Variants in DNAJC13 observed in about 807,000 individuals in gnomAD.
DNAJC13 encodes the protein dnaJ homolog subfamily C member 13.
Under a neutral mutation model 290.5 loss-of-function variants are expected in DNAJC13, and 75 were observed. The ratio of observed to expected loss-of-function variants is 0.26; its 90% CI spans 0.21 to 0.31. The LOEUF is 0.31. DNAJC13 is among the 10% of genes least tolerant of loss of function. DNAJC13 has a pLI of 1.00. For synonymous variants in DNAJC13, 862 were observed against 892.0 expected (o/e 0.97, Z 0.60); for missense variants, 2,260 against 2,674.5 (o/e 0.85, Z 3.42).
chr3:132,484,644 A>T lies in DNAJC13; in HGVS notation c.3239A>T (p.Asp1080Val), dbSNP rs1427576839. 5.6e-6 allele frequency: 9 copies of T among 1,613,992 alleles called. No individual in the cohort carries two copies. Among genetic ancestry groups the T allele is most frequent in the Non-Finnish European group, 7.6e-6 (9 of 1,179,962 alleles). The part of the protein sequence containing the change: ...PLPKVKRLLS[D>V]STCLPHIIQL... ...CCCAAAGTGAAAAGACTGCTGTCAG[A>T]TAGCACTTGCCTTCCCCATATTATT... is the stretch of plus-strand genomic sequence containing the variant. The change falls in exon 29 of 56, where the codon GAT (aspartate) becomes GTT (valine). Residue 1080 changes from aspartate to valine, a missense_variant. Coordinates refer to ENST00000260818, the MANE Select transcript of DNAJC13 (RefSeq NM_015268.4).
At chr3:132,463,840 C>T (rs776589482) in intron 17 of DNAJC13, 23 bp downstream of exon 17, 4 of 1,596,860 alleles carry the variant, frequency 2.5e-6, no homozygotes, top group South Asian at 1.1e-5. Context: ...ATTCAATTTG[C>T]TGCAATTTAA....
chr3:132,484,539 C>T, intron 28 of DNAJC13, 49 bp from the exon 29 acceptor site: 1 of 1,564,730 alleles, frequency 6.4e-7, no homozygotes, highest in Non-Finnish European at 8.8e-7. Context: ...TCTGAACATA[C>T]AAATTTTAAC....
At chr3:132,534,118 A>C (rs1002309390) in intron 55 of DNAJC13, among the ~76,000 whole-genome samples, 2 of 152,188 alleles carry the variant, frequency 1.3e-5, no homozygotes, top group African/African-American at 4.8e-5. Flanking sequence ...CAAGTTCTGT[A>C]CAGGTCTGGC....
intron 6 of DNAJC13, among the ~76,000 whole-genome samples, chr3:132,451,967 G>T (rs2107665270): frequency 6.6e-6 from 1 of 152,242 alleles, no homozygotes; most frequent in South Asian, 2.1e-4. Flanking sequence ...TGTTACCTCT[G>T]AGGCTTGACC....
intron 16 of DNAJC13, 94 bp from the exon 17 acceptor site, chr3:132,463,602 T>G: frequency 7.0e-7 from 1 of 1,418,696 alleles, no homozygotes. Context: ...TACTGAATGT[T>G]TTTTTCATTT....
chr3:132,447,267 C>A, intron 3 of DNAJC13, 54 bp from the exon 4 acceptor site: 2 of 1,335,808 alleles, frequency 1.5e-6, no homozygotes, highest in Non-Finnish European at 2.0e-6. Flanking sequence ...CAAAAATAAG[C>A]ATTACATTTT....
intron 20 of DNAJC13, among the ~76,000 whole-genome samples, chr3:132,470,589 G>A (rs1407238720): frequency 1.2e-4 from 16 of 132,036 alleles, no homozygotes; most frequent in Admixed American, 2.9e-4. Context: ...CTCACCTCCC[G>A]GACGGGGCGG....
intron 52 of DNAJC13, 141 bp downstream of exon 52, chr3:132,525,930 G>T: frequency 8.3e-7 from 1 of 1,210,020 alleles, no homozygotes. Flanking sequence ...TATTTTATTA[G>T]TTCTGGGTTT....
chr3:132,510,640 C>G (rs939488697), intron 43 of DNAJC13, among the ~76,000 whole-genome samples: 1 of 152,118 alleles, frequency 6.6e-6, no homozygotes, highest in South Asian at 2.1e-4. Flanking sequence ...ATGTATATCA[C>G]GTATCACAGA....
At chr3:132,452,453 G>T (rs887003801) in intron 6 of DNAJC13, among the ~76,000 whole-genome samples, 1 of 152,208 alleles carries the variant, frequency 6.6e-6, no homozygotes, top group Non-Finnish European at 1.5e-5. Flanking sequence ...CTCAGCAGGG[G>T]AGCTGTTGAC....
At chr3:132,421,891 A>T (rs956408586) in intron 1 of DNAJC13, among the ~76,000 whole-genome samples, 1 of 152,100 alleles carries the variant, frequency 6.6e-6, no homozygotes, top group African/African-American at 2.4e-5. Context: ...TCCTGGAAAA[A>T]TCTCTGTATA....
In DNAJC13 at chr3:132,538,799, C is replaced by T. The variant is rs1936677730; in HGVS notation, c.*517C>T. The T allele has an allele frequency of 6.6e-6, 1 of 152,414 alleles. No individual in the cohort carries two copies. Among genetic ancestry groups the T allele is most frequent in the African/African-American group, 2.4e-5 (1 of 41,410 alleles). 9.4% of individuals were successfully genotyped at this position (152,414 alleles called of 1,614,324 possible). ...CAATCATTAACCTTCTGAAAGCTCA[C>T]AGTACACATTAGTATGTATAACTGG... is the stretch of plus-strand genomic sequence containing the variant. On this transcript the variant is annotated 3_prime_UTR_variant, in exon 56 of 56. Transcript: ENST00000260818.
intron 1 of DNAJC13, among the ~76,000 whole-genome samples, chr3:132,423,045 C>T (rs1939002582): frequency 1.3e-5 from 2 of 152,174 alleles, no homozygotes; most frequent in African/African-American, 2.4e-5. Flanking sequence ...AATAATCACA[C>T]GTGTAATCCC....
At chr3:132,436,959 A>T (rs1273081703) in intron 2 of DNAJC13, among the ~76,000 whole-genome samples, 1 of 150,070 alleles carries the variant, frequency 6.7e-6, no homozygotes, top group Non-Finnish European at 1.5e-5. Flanking sequence ...GCTCACTGCA[A>T]CCTCTGCCTC....
intron 2 of DNAJC13, 65 bp from the exon 3 acceptor site, chr3:132,446,410 A>G: frequency 8.9e-7 from 1 of 1,124,900 alleles, no homozygotes; most frequent in Non-Finnish European, 1.3e-6. Context: ...TTTGTGTTAT[A>G]TATATTTTCT....
At chr3:132,488,257 GT>G in intron 29 of DNAJC13, 40 bp from the exon 30 acceptor site, 1 of 1,539,466 alleles carries the variant, frequency 6.5e-7, no homozygotes, top group Non-Finnish European at 8.7e-7. Flanking sequence ...GATGATGCAG[GT>G]TTTTTACAAC....
intron 1 of DNAJC13, among the ~76,000 whole-genome samples, chr3:132,423,927 G>T (rs1239255764): frequency 1.3e-5 from 2 of 152,068 alleles, no homozygotes; most frequent in Non-Finnish European, 2.9e-5. Context: ...GCCCATTTCA[G>T]GGCCTGTTTA....
intron 1 of DNAJC13, among the ~76,000 whole-genome samples, chr3:132,419,444 A>G (rs1938892854): frequency 6.6e-6 from 1 of 152,262 alleles, no homozygotes. Flanking sequence ...ATTTAACTTT[A>G]TCCACAAATA....
chr3:132,440,176 G>C (rs140560671), intron 2 of DNAJC13, among the ~76,000 whole-genome samples: 1 of 152,334 alleles, frequency 6.6e-6, no homozygotes, highest in East Asian at 1.9e-4. Context: ...AGAATTGCTT[G>C]AACCCAGGAG....
Sources: gnomAD v4.1 joint callset for allele counts (sites outside exome capture counted in the v4.1 genomes callset) on GRCh38, gnomAD v4.1.1 for gene constraint, MANE v1.5 for transcripts, NCBI Gene and HGNC (gene_info 2026-07-23, HGNC 2026-07-21) for gene names.